The following APBA1 variants were observed in gnomAD, a reference collection of about 807,000 sequenced individuals.
APBA1 encodes the protein amyloid beta precursor protein binding family A member 1, also known as amyloid-beta A4 precursor protein-binding family A member 1.
Under a neutral mutation model 86.6 loss-of-function variants are expected in APBA1, and 55 were observed. The ratio of observed to expected loss-of-function variants is 0.64; its 90% CI spans 0.51 to 0.80. The LOEUF is 0.80. APBA1 is among the 30% of genes least tolerant of loss of function. The pLI is 0.00. For missense variants in APBA1, 1,090 were observed against 1,183.0 expected, an observed-to-expected ratio of 0.92 and a Z score of 1.15; for synonymous variants, 511 against 493.9, an observed-to-expected ratio of 1.03 and a Z score of -0.46.
At chr9:69,468,745 C>T (rs1009858685) in intron 4 of APBA1, among the ~76,000 whole-genome samples, 6 of 152,236 alleles carry the variant, frequency 3.9e-5, no homozygotes, top group East Asian at 1.9e-4. Flanking sequence ...CTGTTTCTAA[C>T]CACAATTACT....
chr9:69,498,689 C>T (rs1268100238), intron 2 of APBA1, among the ~76,000 whole-genome samples: 1 of 152,052 alleles, frequency 6.6e-6, no homozygotes, highest in South Asian at 2.1e-4. Context: ...GATCTAACAA[C>T]GTTTATTGAA....
At chr9:69,546,702 TTATAA>T (rs1395253254) in intron 1 of APBA1, among the ~76,000 whole-genome samples, 2 of 152,236 alleles carry the variant, frequency 1.3e-5, no homozygotes, top group African/African-American at 4.8e-5. Context: ...ACTATGTTTC[TTATAA>T]TATATAACAT....
chr9:69,642,540 T>C (rs1180670096), intron 1 of APBA1, among the ~76,000 whole-genome samples: 1 of 152,244 alleles, frequency 6.6e-6, no homozygotes, highest in Middle Eastern at 3.4e-3. Context: ...GGAAAACAGT[T>C]TGGCAATCTA....
intron 1 of APBA1, among the ~76,000 whole-genome samples, chr9:69,569,849 C>T (rs1837087762): frequency 6.6e-6 from 1 of 152,112 alleles, no homozygotes; most frequent in Admixed American, 6.5e-5. Context: ...CCTGCCTAGG[C>T]AGATATGAAC....
At chr9:69,591,102 G>A (rs1822119801) in intron 1 of APBA1, among the ~76,000 whole-genome samples, 1 of 152,200 alleles carries the variant, frequency 6.6e-6, no homozygotes, top group Admixed American at 6.5e-5. Context: ...AGGCAAGGCA[G>A]CCGAGGGAGG....
chr9:69,443,358 A>G (rs1243419031), intron 10 of APBA1, among the ~76,000 whole-genome samples: 1 of 152,204 alleles, frequency 6.6e-6, no homozygotes, highest in Non-Finnish European at 1.5e-5. Flanking sequence ...TTCTCCATGG[A>G]TGATTACACC....
intron 1 of APBA1, among the ~76,000 whole-genome samples, chr9:69,631,183 T>A (rs1238904021): frequency 1.3e-5 from 2 of 152,156 alleles, no homozygotes; most frequent in Non-Finnish European, 2.9e-5. Context: ...ATCCAGAATC[T>A]ACAAAGAACT....
At chr9:69,441,477 A>AT (rs1834823545) in intron 10 of APBA1, among the ~76,000 whole-genome samples, 1 of 152,120 alleles carries the variant, frequency 6.6e-6, no homozygotes, top group African/African-American at 2.4e-5. Flanking sequence ...GAGGCACACT[A>AT]TTTCCCCCAG....
chr9:69,632,606 C>G (rs1823071080), intron 1 of APBA1, among the ~76,000 whole-genome samples: 1 of 152,104 alleles, frequency 6.6e-6, no homozygotes, highest in Non-Finnish European at 1.5e-5. Context: ...AATGTAAGCT[C>G]TCAACAAAGA....
At chr9:69,543,281 C>G (rs1227763150) in intron 1 of APBA1, among the ~76,000 whole-genome samples, 101 of 5,552 alleles carry the variant, frequency 0.018, 1 homozygote, top group African/African-American at 0.048. Context: ...GGATTTCCCC[C>G]CCCCCCCCCC....
At chr9:69,652,824 T>C (rs980232241) in intron 1 of APBA1, among the ~76,000 whole-genome samples, 6 of 152,056 alleles carry the variant, frequency 3.9e-5, no homozygotes, top group Non-Finnish European at 8.8e-5. Context: ...TGAAACCCTG[T>C]CTCTACTAAA....
intron 5 of APBA1, chr9:69,460,725 G>A (rs1835178397): frequency 6.6e-6 from 1 of 151,122 alleles, no homozygotes; most frequent in Non-Finnish European, 1.5e-5. Flanking sequence ...TTCATGAAAG[G>A]TATTCTGAAA....
intron 1 of APBA1, among the ~76,000 whole-genome samples, chr9:69,599,324 A>G (rs1249018554): frequency 1.3e-5 from 2 of 152,240 alleles, no homozygotes; most frequent in African/African-American, 4.8e-5. Flanking sequence ...ATTGCCTTTA[A>G]CAACTTTGCA....
intron 3 of APBA1, chr9:69,472,488 CAGT>C (rs924529837): frequency 2.0e-5 from 3 of 152,188 alleles, no homozygotes; most frequent in Non-Finnish European, 4.4e-5. Flanking sequence ...CTGCTTCCAC[CAGT>C]AGTAGAATTT....
At chr9:69,610,388 G>A (rs1366591297) in intron 1 of APBA1, among the ~76,000 whole-genome samples, 2 of 152,068 alleles carry the variant, frequency 1.3e-5, no homozygotes, top group African/African-American at 4.8e-5. Flanking sequence ...TGTTGTTGTT[G>A]GGGAGTAAGC....
intron 1 of APBA1, among the ~76,000 whole-genome samples, chr9:69,522,527 T>A (rs1836269594): frequency 6.6e-6 from 1 of 152,222 alleles, no homozygotes; most frequent in African/African-American, 2.4e-5. Flanking sequence ...TTATCAGACA[T>A]GTACCAGTCA....
intron 1 of APBA1, among the ~76,000 whole-genome samples, chr9:69,553,404 T>A (rs1004750080): frequency 1.3e-5 from 2 of 152,208 alleles, no homozygotes; most frequent in African/African-American, 4.8e-5. Context: ...CTATTCTCAC[T>A]TATATCATCA....
intron 4 of APBA1, among the ~76,000 whole-genome samples, chr9:69,468,785 T>A (rs2781539): frequency 0.52 from 79,479 of 152,112 alleles, 21,611 homozygotes; most frequent in African/African-American, 0.66. Flanking sequence ...TTAAAACGTG[T>A]CTGTGATTAA....
intron 1 of APBA1, among the ~76,000 whole-genome samples, chr9:69,636,229 C>T (rs149980818): frequency 6.6e-6 from 1 of 152,240 alleles, no homozygotes; most frequent in African/African-American, 2.4e-5. Context: ...TGACTTTTAT[C>T]CAAAAGACAG....
Sources: allele counts gnomAD v4.1 joint callset (sites outside exome capture counted in the v4.1 genomes callset), GRCh38; gene constraint gnomAD v4.1.1; transcripts MANE v1.5; gene names NCBI Gene and HGNC (gene_info 2026-07-23, HGNC 2026-07-21).